PTPN13: variants seen among roughly 807,000 people sequenced by gnomAD.
PTPN13 encodes tyrosine-protein phosphatase non-receptor type 13.
PTPN13 carries 191 observed loss-of-function variants against 284.0 expected under a neutral mutation model. The ratio of observed to expected loss-of-function variants is 0.67; its 90% CI spans 0.60 to 0.76. The LOEUF (loss-of-function observed/expected upper bound fraction) is 0.76. Among genes scored for constraint, PTPN13 ranks in the 30% least tolerant of loss-of-function variants. The pLI is 0.00. For synonymous variants in PTPN13, 986 were observed against 1,022.3 expected, an observed-to-expected ratio of 0.96 and a Z score of 0.68; for missense variants, 2,797 against 2,939.9, an observed-to-expected ratio of 0.95 and a Z score of 1.12.
rs1402520755 is a variant in PTPN13 at position 86,726,187 on chromosome 4, T to G, written c.1608+3753T>G. Among the ~76,000 whole-genome samples, 20 of 149,630 alleles carry G rather than the reference T, an allele frequency of 1.3e-4. 2 individuals are homozygous for G. The stretch of plus-strand genomic sequence containing the variant: ...TGTTCCATTGGTCTATATCTCTGTT[T>G]TGGTACCAGTACCATGCTGTTTTGG... On this transcript the variant is annotated intron_variant, in intron 10 of 47. Coordinates refer to ENST00000411767, the MANE Select transcript of PTPN13 (RefSeq NM_080683.3).
chr4:86,620,235 G>A lies in PTPN13; in HGVS notation c.-5-15017G>A, dbSNP rs1029848276. ...GGCTGGAGTGCAGTGGCACAGGCCC[G>A]GTTCACTGCAGCCTTGACTTCCCCA... On this transcript the variant is annotated intron_variant, in intron 1 of 47. Transcript: ENST00000411767. Among the ~76,000 whole-genome samples, 2 of 152,102 alleles carry A rather than the reference G, an allele frequency of 1.3e-5. 1 individual carries two copies. The highest frequency in any genetic ancestry group is 1.3e-4 in the Admixed American group (2 of 15,262).
At chr4:86,805,461 T>C (rs1744552339) in intron 44 of PTPN13, 92 bp downstream of exon 44, 6 of 609,664 alleles carry the variant, frequency 9.8e-6, no homozygotes, top group Non-Finnish European at 8.3e-6. Flanking sequence ...ATCCCTCACA[T>C]AACCGTGTGC....
At chr4:86,744,279 T>C (rs1161681798) in intron 16 of PTPN13, among the ~76,000 whole-genome samples, 1 of 152,152 alleles carries the variant, frequency 6.6e-6, no homozygotes, top group African/African-American at 2.4e-5. Flanking sequence ...TATCATTATA[T>C]ATTAATAAAA....
chr4:86,753,160 T>TAGATA, intron 20 of PTPN13, 95 bp downstream of exon 20: 1 of 868,212 alleles, frequency 1.2e-6, no homozygotes, highest in South Asian at 2.2e-5. Flanking sequence ...TTGAGTTCCA[T>TAGATA]GCCTAGGATT....
At chr4:86,771,040 C>T (rs1739936619) in intron 30 of PTPN13, 131 bp from the exon 31 acceptor site, 2 of 913,810 alleles carry the variant, frequency 2.2e-6, no homozygotes, top group Non-Finnish European at 3.2e-6. Context: ...CTCTATTGAA[C>T]ATAAATTACT....
In PTPN13 at chr4:86,672,356, A is replaced by G; in HGVS notation, c.116-9A>G. 1.3e-6 allele frequency: 2 copies of G among 1,511,936 alleles called. No individual in the cohort carries two copies. The highest frequency in any genetic ancestry group is 1.8e-6 in the Non-Finnish European group (2 of 1,133,960). The allele number at this position is 1,511,936 out of a possible 1,614,324, so 93.7% of individuals were successfully genotyped here. A position where few individuals can be genotyped will look rare whatever the true frequency, so the allele number is the denominator to read the frequency against. On this transcript the variant is annotated splice_polypyrimidine_tract_variant and intron_variant, in intron 2 of 47. Coordinates refer to ENST00000411767, the MANE Select transcript of PTPN13 (RefSeq NM_080683.3). Reference sequence around the variant, plus strand: ...TTTTATTTTTTATTTTGGTGCAATTACAAACCAGTAAGCCTAGCTGATCCT... The same window carrying G: ...TTTTATTTTTTATTTTGGTGCAATTGCAAACCAGTAAGCCTAGCTGATCCT...
chr4:86,609,309 A>T (rs151214742), intron 1 of PTPN13, among the ~76,000 whole-genome samples: 19 of 152,346 alleles, frequency 1.2e-4, no homozygotes, highest in African/African-American at 2.6e-4. Flanking sequence ...GTTATAGCAG[A>T]TAAAGTTTAT....
In PTPN13 at chr4:86,762,905, G is replaced by A; in HGVS notation, c.3732G>A (p.Leu1244=). 3 of 1,613,930 alleles carry A rather than the reference G, an allele frequency of 1.9e-6. No homozygotes were observed. The highest frequency in any genetic ancestry group is 2.5e-6 in the Non-Finnish European group (3 of 1,179,858). ...CTGGGGGCCTGCGGGAAGGAAGCCT[G>A]AGTTCTCAAGATTCCAGGACTGAGA... ...GPSGGLREGS[L]SSQDSRTESA... The change falls in exon 24 of 48, where the codon CTG becomes CTA. Residue 1244 remains leucine, a synonymous_variant. Transcript: ENST00000411767.
chr4:86,666,329 A>G (rs1727073066), intron 2 of PTPN13, among the ~76,000 whole-genome samples: 1 of 151,842 alleles, frequency 6.6e-6, no homozygotes, highest in Non-Finnish European at 1.5e-5. Flanking sequence ...ACAGGGACAC[A>G]CATAAGGAGT....
rs1034397327 is a variant in PTPN13 at position 86,730,507 on chromosome 4, G to A, written c.1609-1893G>A. ...GTTTTGTTTACCTACTCAAGCCTCA[G>A]CAATGGCAGACATCCCTCCCCCGAC... On this transcript the variant is annotated intron_variant, in intron 10 of 47. Transcript: ENST00000411767. 1.3e-5 allele frequency among the ~76,000 whole-genome samples: 2 copies of A among 149,786 alleles called. 1 individual carries two copies. The highest frequency in any genetic ancestry group is 1.3e-4 in the Admixed American group (2 of 14,996).
At chr4:86,806,439 A>C (rs1744673189) in intron 44 of PTPN13, among the ~76,000 whole-genome samples, 1 of 152,198 alleles carries the variant, frequency 6.6e-6, no homozygotes, top group African/African-American at 2.4e-5. Flanking sequence ...GTAATAATGC[A>C]ATTGTATTTT....
At chr4:86,778,860 G>A (rs1740950204) in intron 35 of PTPN13, among the ~76,000 whole-genome samples, 1 of 151,110 alleles carries the variant, frequency 6.6e-6, no homozygotes, top group African/African-American at 2.4e-5. Flanking sequence ...TTGCTCTTGT[G>A]TTTCCCTTAG....
intron 2 of PTPN13, among the ~76,000 whole-genome samples, chr4:86,665,184 G>A (rs1726928951): frequency 6.6e-6 from 1 of 152,148 alleles, no homozygotes; most frequent in Non-Finnish European, 1.5e-5. Flanking sequence ...TCCAGTGGTT[G>A]TGGTTTGAGC....
chr4:86,627,503 T>C (rs1465028438), intron 1 of PTPN13, among the ~76,000 whole-genome samples: 1 of 142,582 alleles, frequency 7.0e-6, no homozygotes, highest in Non-Finnish European at 1.6e-5. Flanking sequence ...TGGGTTTAGT[T>C]TTTGGTTTTT....
intron 2 of PTPN13, chr4:86,661,252 G>A (rs1331631737): frequency 1.6e-5 from 4 of 244,118 alleles, no homozygotes; most frequent in Non-Finnish European, 2.5e-5. Context: ...TAAACTCTTG[G>A]GTGTCTGACT....
intron 44 of PTPN13, 66 bp downstream of exon 44, chr4:86,805,435 T>A (rs934200752): frequency 5.4e-6 from 5 of 929,960 alleles, no homozygotes; most frequent in Non-Finnish European, 7.9e-6. Flanking sequence ...TAAAATTTTT[T>A]GTGTTTAACT....
chr4:86,812,309 CAAAAA>C (rs555017151), intron 47 of PTPN13, among the ~76,000 whole-genome samples: 2 of 58,728 alleles, frequency 3.4e-5, no homozygotes, highest in African/African-American at 1.2e-4. Context: ...GACTCCGTCT[CAAAAA>C]AAAAAAAAAA....
chr4:86,688,083 G>A (rs1276066739), intron 4 of PTPN13, among the ~76,000 whole-genome samples: 1 of 152,136 alleles, frequency 6.6e-6, no homozygotes, highest in East Asian at 1.9e-4. Flanking sequence ...AATAGAGGAT[G>A]CTATGGAAAA....
chr4:86,689,330 T>A, intron 5 of PTPN13, 140 bp downstream of exon 5: 1 of 688,796 alleles, frequency 1.5e-6, no homozygotes, highest in Non-Finnish European at 2.4e-6. Context: ...TCTTCTAATA[T>A]AAATTGTTTA....
Sources: gnomAD v4.1 joint callset for allele counts (sites outside exome capture counted in the v4.1 genomes callset) on GRCh38, gnomAD v4.1.1 for gene constraint, MANE v1.5 for transcripts, NCBI Gene and HGNC (gene_info 2026-07-23, HGNC 2026-07-21) for gene names.